The following HS6ST3 variants were observed in gnomAD, a reference collection of about 807,000 sequenced individuals.
HS6ST3 encodes the protein heparan sulfate 6-O-sulfotransferase 3, also known as heparan-sulfate 6-O-sulfotransferase 3.
Under a neutral mutation model 36.7 loss-of-function variants are expected in HS6ST3, and 12 were observed. The observed-to-expected ratio is 0.33, with a 90% CI of 0.21 to 0.53. The LOEUF is 0.53. Among genes scored for constraint, HS6ST3 ranks in the 20% least tolerant of loss-of-function variants. HS6ST3 has a pLI of 0.95. For missense variants in HS6ST3, 584 were observed against 640.9 expected (o/e 0.91, Z 0.96); for synonymous variants, 240 against 257.5 (o/e 0.93, Z 0.65).
intron 1 of HS6ST3, among the ~76,000 whole-genome samples, chr13:96,782,777 C>T (rs1877557815): frequency 6.6e-6 from 1 of 152,092 alleles, no homozygotes; most frequent in Admixed American, 6.6e-5. Flanking sequence ...TCTGCCCACC[C>T]AGCAGGCCCA....
chr13:96,390,885 T>C (rs1302100778), intron 1 of HS6ST3, among the ~76,000 whole-genome samples: 1 of 152,296 alleles, frequency 6.6e-6, no homozygotes, highest in Non-Finnish European at 1.5e-5. Flanking sequence ...ACCAAGTTAT[T>C]TTTCTAAATT....
At chr13:96,794,476 G>C (rs1354328546) in intron 1 of HS6ST3, among the ~76,000 whole-genome samples, 1 of 152,026 alleles carries the variant, frequency 6.6e-6, no homozygotes, top group East Asian at 1.9e-4. Flanking sequence ...TTGTGGCCAA[G>C]TTTTTAAAAT....
At chr13:96,113,365 A>G (rs535812) in intron 1 of HS6ST3, among the ~76,000 whole-genome samples, 1 of 151,918 alleles carries the variant, frequency 6.6e-6, no homozygotes, top group Non-Finnish European at 1.5e-5. Flanking sequence ...CCTGCCCCCC[A>G]TTAACAGATT....
chr13:96,788,309 C>T (rs568114769), intron 1 of HS6ST3, among the ~76,000 whole-genome samples: 8 of 151,978 alleles, frequency 5.3e-5, no homozygotes, highest in African/African-American at 1.9e-4. Flanking sequence ...TCACTAAATT[C>T]ATAGATCAAC....
At chr13:96,342,018 A>T (rs1013927363) in intron 1 of HS6ST3, among the ~76,000 whole-genome samples, 2 of 152,032 alleles carry the variant, frequency 1.3e-5, no homozygotes, top group African/African-American at 4.8e-5. Context: ...GAAATTGAAC[A>T]TATCTGTGTG....
At chr13:96,351,177 T>C (rs185707899) in intron 1 of HS6ST3, among the ~76,000 whole-genome samples, 1 of 152,240 alleles carries the variant, frequency 6.6e-6, no homozygotes, top group Admixed American at 6.5e-5. Flanking sequence ...CTATGACAAC[T>C]GCCATCTCTT....
At chr13:96,520,283 T>A (rs994006009) in intron 1 of HS6ST3, among the ~76,000 whole-genome samples, 4 of 152,188 alleles carry the variant, frequency 2.6e-5, no homozygotes, top group African/African-American at 9.6e-5. Flanking sequence ...AGAAGTCAGG[T>A]AGCATGATGC....
Position 96,832,866 on chromosome 13 carries a change from T to C in HS6ST3, c.1084T>C (p.Phe362Leu). 1 of 1,614,158 alleles carries C rather than the reference T, an allele frequency of 6.2e-7. No individual in the cohort carries two copies. The highest frequency in any genetic ancestry group is 2.2e-5 in the East Asian group (1 of 44,884). Residue 362 changes from phenylalanine to leucine, a missense_variant, in exon 2 of 2, where the codon TTT becomes CTT. Physicochemically the swap from Phe to Leu is conservative, Grantham distance 22. Around this residue, in one of 3 missense-constraint regions of HS6ST3, gnomAD observed 360 missense variants for 411.3 expected, o/e 0.88. Coordinates refer to ENST00000376705, the MANE Select transcript of HS6ST3 (RefSeq NM_153456.4). ...CACTGAGTTCCAGAGGAAGACACAG[T>C]TTCTCTTTGAGAGAACATTCAACCT... ...GLTEFQRKTQ[F>L]LFERTFNLKF...
intron 1 of HS6ST3, among the ~76,000 whole-genome samples, chr13:96,695,233 TA>T (rs893814048): frequency 7.2e-5 from 11 of 152,208 alleles, no homozygotes; most frequent in Admixed American, 3.9e-4. Flanking sequence ...ATTTCTTCTC[TA>T]AATCAATCAT....
intron 1 of HS6ST3, among the ~76,000 whole-genome samples, chr13:96,092,694 A>G (rs1011251011): frequency 6.6e-6 from 1 of 152,242 alleles, no homozygotes; most frequent in Non-Finnish European, 1.5e-5. Flanking sequence ...ACGTTATAGA[A>G]AAGCTTCATT....
At chr13:96,336,554 G>A (rs186340953) in intron 1 of HS6ST3, among the ~76,000 whole-genome samples, 173 of 152,276 alleles carry the variant, frequency 1.1e-3, no homozygotes, top group East Asian at 1.5e-3. Flanking sequence ...ATATGTACAG[G>A]GGGAAGAGAA....
At chr13:96,165,912 GTTAAA>G (rs2054157922) in intron 1 of HS6ST3, among the ~76,000 whole-genome samples, 1 of 152,118 alleles carries the variant, frequency 6.6e-6, no homozygotes, top group Admixed American at 6.5e-5. Flanking sequence ...ATGAGATAAA[GTTAAA>G]CAAGCAAGGA....
chr13:96,301,371 A>G (rs1350968454), intron 1 of HS6ST3, among the ~76,000 whole-genome samples: 1 of 152,208 alleles, frequency 6.6e-6, no homozygotes, highest in Non-Finnish European at 1.5e-5. Flanking sequence ...TGAACTAGGA[A>G]CATTCTTTGA....
At chr13:96,552,281 C>T (rs1005392923) in intron 1 of HS6ST3, among the ~76,000 whole-genome samples, 6 of 152,124 alleles carry the variant, frequency 3.9e-5, no homozygotes, top group East Asian at 3.9e-4. Context: ...TCCTGACCAC[C>T]GCCTCATAGG....
intron 1 of HS6ST3, among the ~76,000 whole-genome samples, chr13:96,756,643 A>AT (rs1156498277): frequency 1.3e-5 from 2 of 152,210 alleles, no homozygotes; most frequent in East Asian, 3.8e-4. Context: ...AGCATAGTGT[A>AT]TAATATTTAA....
At chr13:96,567,238 T>C (rs1360000115) in intron 1 of HS6ST3, among the ~76,000 whole-genome samples, 1 of 152,100 alleles carries the variant, frequency 6.6e-6, no homozygotes, top group Non-Finnish European at 1.5e-5. Context: ...TCCCACTAAG[T>C]ACTGAGCAAA....
chr13:96,709,392 A>T (rs567894601), intron 1 of HS6ST3, among the ~76,000 whole-genome samples: 1 of 152,300 alleles, frequency 6.6e-6, no homozygotes, highest in East Asian at 1.9e-4. Context: ...AGTTTAGGAA[A>T]TGTGTCTTAT....
At chr13:96,121,113 A>G (rs1427537379) in intron 1 of HS6ST3, among the ~76,000 whole-genome samples, 1 of 152,210 alleles carries the variant, frequency 6.6e-6, no homozygotes, top group African/African-American at 2.4e-5. Context: ...TTGCATACCT[A>G]TCTGAAAAAT....
intron 1 of HS6ST3, among the ~76,000 whole-genome samples, chr13:96,370,613 T>A (rs1171597723): frequency 6.6e-6 from 1 of 152,140 alleles, no homozygotes; most frequent in Non-Finnish European, 1.5e-5. Flanking sequence ...CACTCCCATT[T>A]AAAAAAATCC....
Sources: gnomAD v4.1 joint callset for allele counts (sites outside exome capture counted in the v4.1 genomes callset) on GRCh38, gnomAD v4.1.1 for gene constraint, gnomAD v4.1.1 regional missense constraint, MANE v1.5 for transcripts, NCBI Gene and HGNC (gene_info 2026-07-23, HGNC 2026-07-21) for gene names.